The following TRAPPC13 variants were observed in gnomAD, a reference collection of about 807,000 sequenced individuals.
TRAPPC13 encodes trafficking protein particle complex subunit 13.
Under a neutral mutation model 54.0 loss-of-function variants are expected in TRAPPC13, and 39 were observed. The observed-to-expected ratio is 0.72, with a 90% CI of 0.56 to 0.94. The LOEUF (loss-of-function observed/expected upper bound fraction) is 0.94. Among genes scored for constraint, TRAPPC13 ranks in the 40% least tolerant of loss-of-function variants. The pLI is 0.00. For synonymous variants in TRAPPC13, 148 were observed against 167.7 expected (o/e 0.88, Z 0.91); for missense variants, 386 against 488.1 (o/e 0.79, Z 1.97).
At chr5:65,630,480 T>C in intron 1 of TRAPPC13, 1 of 1,384,480 alleles carries the variant, frequency 7.2e-7, no homozygotes, top group South Asian at 1.9e-5. Context: ...AAGAAATTGC[T>C]GAGTTCTGCT....
chr5:65,639,691 T>A (rs1046834615), intron 4 of TRAPPC13, among the ~76,000 whole-genome samples: 1 of 152,192 alleles, frequency 6.6e-6, no homozygotes, highest in Non-Finnish European at 1.5e-5. Flanking sequence ...GCAGTTGGCT[T>A]TTGAGCACTC....
chr5:65,633,815 T>C (rs1481842666), intron 1 of TRAPPC13, among the ~76,000 whole-genome samples: 2 of 151,948 alleles, frequency 1.3e-5, no homozygotes, highest in Admixed American at 6.6e-5. Context: ...TCTATTTATA[T>C]TTAAAGTGAA....
chr5:65,662,255 T>C, intron 11 of TRAPPC13, 105 bp downstream of exon 11: 14 of 697,370 alleles, frequency 2.0e-5, no homozygotes, highest in Non-Finnish European at 3.2e-5. Flanking sequence ...CCTCTTGACA[T>C]ACAGCCTTCT....
intron 1 of TRAPPC13, chr5:65,629,728 C>G (rs1477136068): frequency 6.5e-7 from 1 of 1,535,950 alleles, no homozygotes; most frequent in African/African-American, 1.4e-5. Flanking sequence ...ATGATGGGTC[C>G]AAGCTTCCAC....
chr5:65,664,603 G>A lies in TRAPPC13; in HGVS notation c.1246G>A (p.Glu416Lys). The A allele has an allele frequency of 6.2e-7, 1 of 1,611,120 alleles. No homozygotes were observed. Among genetic ancestry groups the A allele is most frequent in the Non-Finnish European group, 8.5e-7 (1 of 1,178,540 alleles). Reference protein sequence around the residue: ...VCVVSSAIKVES With the variant: ...VCVVSSAIKVKS The stretch of plus-strand genomic sequence containing the variant: ...TGTGGTATCTTCTGCCATTAAAGTG[G>A]AAAGCTGAAGGAAACTTCCAATGTT... The change falls in exon 13 of 13, where the codon GAA becomes AAA. Residue 416 changes from glutamate (E) to lysine (K), a missense_variant. Physicochemically the swap from Glu to Lys is moderately conservative, Grantham distance 56 (BLOSUM62 1). Transcript: ENST00000399438.
rs1757007431 is a variant in TRAPPC13, at chr5:65,665,479, C to A, written c.*868C>A. 6.6e-6 allele frequency: 1 copy of A among 152,056 alleles called. No homozygotes were observed. Among genetic ancestry groups the A allele is most frequent in the East Asian group, 1.9e-4 (1 of 5,194 alleles). 9.4% of individuals were successfully genotyped at this position (152,056 alleles called of 1,614,324 possible). A position where few individuals can be genotyped will look rare whatever the true frequency, so the allele number is the denominator to read the frequency against. ...TTTGTATATTATACCTACAAACATA[C>A]ATATCTTTCAGCTACTGAACACATC... On this transcript the variant is annotated 3_prime_UTR_variant, in exon 13 of 13. Transcript: ENST00000399438.
At chr5:65,648,583 G>T (rs1410873239) in intron 5 of TRAPPC13, among the ~76,000 whole-genome samples, 1 of 152,148 alleles carries the variant, frequency 6.6e-6, no homozygotes, top group Non-Finnish European at 1.5e-5. Context: ...TCCAAACCTA[G>T]TTTTAGATCC....
At chr5:65,638,857 G>T (rs986742375) in intron 4 of TRAPPC13, among the ~76,000 whole-genome samples, 5 of 152,136 alleles carry the variant, frequency 3.3e-5, no homozygotes, top group Admixed American at 2.6e-4. Flanking sequence ...GCCAAGGCGG[G>T]TGGATCACTT....
intron 4 of TRAPPC13, among the ~76,000 whole-genome samples, chr5:65,640,194 T>A (rs1297513974): frequency 6.6e-6 from 1 of 152,250 alleles, no homozygotes; most frequent in Non-Finnish European, 1.5e-5. Flanking sequence ...GGTTTTCACA[T>A]TTTCAAATTA....
intron 5 of TRAPPC13, among the ~76,000 whole-genome samples, chr5:65,648,252 T>A (rs769157477): frequency 2.0e-5 from 3 of 152,214 alleles, no homozygotes; most frequent in Admixed American, 6.5e-5. Context: ...TACTTCTACT[T>A]CTCTTTCAAA....
chr5:65,652,693 A>G (rs767096205), intron 7 of TRAPPC13, 148 bp downstream of exon 7: 28 of 710,890 alleles, frequency 3.9e-5, no homozygotes, highest in Non-Finnish European at 7.0e-5. Context: ...GTTAAAATTG[A>G]ATAATTTTAT....
chr5:65,625,221 T>C, intron 1 of TRAPPC13, 115 bp downstream of exon 1: 1 of 916,430 alleles, frequency 1.1e-6, no homozygotes, highest in Non-Finnish European at 1.8e-6. Context: ...GCCCTCCTGC[T>C]CTGTCCTTTG....
chr5:65,650,050 G>A (rs1333038034), intron 5 of TRAPPC13, among the ~76,000 whole-genome samples: 1 of 151,364 alleles, frequency 6.6e-6, no homozygotes, highest in Non-Finnish European at 1.5e-5. Flanking sequence ...AGTAGAGACA[G>A]GGTTTCATCG....
chr5:65,630,320 G>T (rs773933994), intron 1 of TRAPPC13: 7 of 1,518,132 alleles, frequency 4.6e-6, no homozygotes, highest in Non-Finnish European at 6.2e-6. Context: ...GCATAAATAT[G>T]GTGTTATTTT....
chr5:65,630,567 G>A lies in TRAPPC13; in HGVS notation c.47-4734G>A, dbSNP rs1448192164. On this transcript the variant is annotated intron_variant, in intron 1 of 12. Transcript: ENST00000399438. ...AAGGTAAAAATGTTCTGTTCCTTTT[G>A]TTACAAACTGTGATTGAATTAGTCA... The A allele has an allele frequency of 9.3e-6, 11 of 1,182,600 alleles. No individual in the cohort carries two copies. In the East Asian group the frequency reaches 3.6e-4, roughly 39 times the overall value. 73.3% of individuals were successfully genotyped at this position (1,182,600 alleles called of 1,614,324 possible). A position where few individuals can be genotyped will look rare whatever the true frequency, so the allele number is the denominator to read the frequency against.
chr5:65,634,183 C>T (rs187786215), intron 1 of TRAPPC13, among the ~76,000 whole-genome samples: 2,253 of 152,118 alleles, frequency 0.015, 19 homozygotes, highest in Non-Finnish European at 0.022. Context: ...GACGGGGTTT[C>T]ACCGTGTTAG....
chr5:65,647,839 G>C (rs1351829547), intron 5 of TRAPPC13, among the ~76,000 whole-genome samples: 1 of 151,768 alleles, frequency 6.6e-6, no homozygotes, highest in Non-Finnish European at 1.5e-5. Context: ...TACCACTTTT[G>C]CTTCTCTTTG....
rs1205175021 is a variant in TRAPPC13 at position 65,630,049 on chromosome 5, T to C, written c.46+4943T>C. On this transcript the variant is annotated intron_variant, in intron 1 of 12. Coordinates refer to ENST00000399438, the MANE Select transcript of TRAPPC13 (RefSeq NM_024941.4). ...CTCCTTTGTCTAAAAAATTGCAAGA[T>C]AGTTTAAAGGCACTAAATTTACACT... 4 of 1,535,966 alleles carry C rather than the reference T, an allele frequency of 2.6e-6. No individual in the cohort carries two copies. In the African/African-American group the frequency reaches 5.5e-5, roughly 21 times the overall value.
At chr5:65,633,237 C>T (rs1191639122) in intron 1 of TRAPPC13, among the ~76,000 whole-genome samples, 1 of 152,024 alleles carries the variant, frequency 6.6e-6, no homozygotes, top group South Asian at 2.1e-4. Flanking sequence ...TCTGAATTGA[C>T]CATGTAGGTC....
Sources: gnomAD v4.1 joint callset for allele counts (sites outside exome capture counted in the v4.1 genomes callset) on GRCh38, gnomAD v4.1.1 for gene constraint, MANE v1.5 for transcripts, NCBI Gene and HGNC (gene_info 2026-07-23, HGNC 2026-07-21) for gene names.